The following UPRT variants were observed in gnomAD, a reference collection of about 807,000 sequenced individuals.
UPRT encodes the protein RP11-311P8.3.
UPRT carries 5 observed loss-of-function variants against 22.6 expected under a neutral mutation model. The observed-to-expected ratio is 0.22, with a 90% CI of 0.12 to 0.47. The LOEUF (loss-of-function observed/expected upper bound fraction) is 0.47. Ranked by LOEUF, UPRT falls within the 20% of genes least tolerant of loss-of-function variation. The pLI is 0.99. For missense variants in UPRT, 181 were observed against 239.9 expected, an observed-to-expected ratio of 0.75 and a Z score of 1.62; for synonymous variants, 77 against 87.7, an observed-to-expected ratio of 0.88 and a Z score of 0.68.
intron 4 of UPRT, among the ~76,000 whole-genome samples, chrX:75,198,760 A>G (rs1485278103): frequency 9.0e-6 from 1 of 111,464 alleles, no homozygotes; most frequent in Non-Finnish European, 1.9e-5. Flanking sequence ...TATATCACTG[A>G]AAGAGGAACT....
intron 4 of UPRT, among the ~76,000 whole-genome samples, chrX:75,217,875 C>T (rs998364163): frequency 2.1e-4 from 23 of 111,937 alleles, no homozygotes; most frequent in Non-Finnish European, 3.4e-4. Flanking sequence ...ACACCTTATA[C>T]AAAAATTAAT....
chrX:75,182,908 G>C (rs1229919530), intron 4 of UPRT, among the ~76,000 whole-genome samples: 1 of 110,700 alleles, frequency 9.0e-6, no homozygotes, highest in East Asian at 2.8e-4. Context: ...GTTTGCTCTT[G>C]TTTATCTAGG....
chrX:75,252,302 C>G (rs745749314), intron 4 of UPRT, among the ~76,000 whole-genome samples: 105 of 111,509 alleles, frequency 9.4e-4, no homozygotes, highest in Non-Finnish European at 4.9e-4. Flanking sequence ...AAAATTTTTG[C>G]AACCTACTCA....
intron 4 of UPRT, among the ~76,000 whole-genome samples, chrX:75,261,603 G>C (rs1569277079): frequency 8.9e-6 from 1 of 111,873 alleles, no homozygotes; most frequent in African/African-American, 3.3e-5. Context: ...ACAAAGAGGA[G>C]CTGGTACCTA....
At chrX:75,218,930 C>G (rs1164069063) in intron 4 of UPRT, among the ~76,000 whole-genome samples, 1 of 110,321 alleles carries the variant, frequency 9.1e-6, no homozygotes, top group African/African-American at 3.3e-5. Flanking sequence ...GGAGATATAC[C>G]TAATGCTAAA....
At chrX:75,274,029 T>G (rs1054124802), upstream of UPRT, 5 of 386,570 alleles carry the variant, frequency 1.3e-5, no homozygotes, top group South Asian at 8.3e-5. Context: ...TGGCGGGGAG[T>G]GCAGCCAATA....
chrX:75,173,093 T>C (rs1457251464), intron 4 of UPRT, among the ~76,000 whole-genome samples: 3 of 111,559 alleles, frequency 2.7e-5, no homozygotes, highest in African/African-American at 9.8e-5. Flanking sequence ...AGGTTTTCCA[T>C]GTCCTTATCA....
At chrX:75,272,290 ATATATATGTGTATATATATGTG>A (rs2082610816), upstream of UPRT, among the ~76,000 whole-genome samples, 1 of 17,965 alleles carries the variant, frequency 5.6e-5, no homozygotes, top group Non-Finnish European at 1.4e-3. Flanking sequence ...ATATATACAC[ATATATATGTGTATATATATGTG>A]TATATATACA....
At chrX:75,277,482 T>C (rs886875842) in intron 1 of UPRT, among the ~76,000 whole-genome samples, 1 of 110,611 alleles carries the variant, frequency 9.0e-6, no homozygotes, top group African/African-American at 3.3e-5. Context: ...ATGTTTAGCA[T>C]CTCTGTGCTT....
intron 4 of UPRT, among the ~76,000 whole-genome samples, chrX:75,196,742 G>A (rs773366942): frequency 2.7e-4 from 30 of 111,306 alleles, no homozygotes; most frequent in Non-Finnish European, 4.7e-4. Context: ...AGCCACTCGG[G>A]AGGCTGAGGC....
intron 4 of UPRT, among the ~76,000 whole-genome samples, chrX:75,204,921 G>A (rs1453810619): frequency 9.0e-6 from 1 of 110,842 alleles, no homozygotes; most frequent in African/African-American, 3.3e-5. Flanking sequence ...GTATCCCACG[G>A]ACAAAGAGGA....
At position 75,303,898 on chromosome X, in the gene UPRT, C is replaced by T. The variant is rs2082753208; in HGVS notation, c.*387C>T. 7.8e-6 allele frequency: 1 copy of T among 127,911 alleles called. No homozygotes were observed. The highest frequency in any genetic ancestry group is 3.2e-5 in the African/African-American group (1 of 31,050). The allele number at this position is 127,911 out of a possible 1,213,427, so 10.5% of individuals were successfully genotyped here. ...CATTTTGTTTAGTTTGGTTTTAGCT[C>T]TACTAAGGTTTCACATATGTGGCTA... On this transcript the variant is annotated 3_prime_UTR_variant, in exon 7 of 7. Transcript: ENST00000373383.
intron 4 of UPRT, among the ~76,000 whole-genome samples, chrX:75,239,990 T>C (rs2082483258): frequency 9.0e-6 from 1 of 111,089 alleles, no homozygotes; most frequent in Non-Finnish European, 1.9e-5. Flanking sequence ...GACAACATTA[T>C]ATTAAATGGG....
At chrX:75,266,991 G>A (rs111310134) in intron 4 of UPRT, among the ~76,000 whole-genome samples, 6 of 111,387 alleles carry the variant, frequency 5.4e-5, no homozygotes, top group Admixed American at 1.9e-4. Flanking sequence ...CTGTTGGTGG[G>A]ACTGTAAACT....
intron 4 of UPRT, among the ~76,000 whole-genome samples, chrX:75,257,592 A>T (rs1028901716): frequency 9.0e-6 from 1 of 111,716 alleles, no homozygotes; most frequent in Non-Finnish European, 1.9e-5. Context: ...ACTGTTGATG[A>T]TATGATTGTT....
intron 4 of UPRT, among the ~76,000 whole-genome samples, chrX:75,239,600 T>C (rs1201842659): frequency 9.0e-6 from 1 of 111,127 alleles, no homozygotes; most frequent in African/African-American, 3.3e-5. Context: ...AATCATTTTA[T>C]GAAGCCATGA....
Position 75,303,591 on chromosome X carries a change from G to T in UPRT, c.*80G>T. On this transcript the variant is annotated 3_prime_UTR_variant, in exon 7 of 7. Coordinates refer to ENST00000373383, the MANE Select transcript of UPRT (RefSeq NM_145052.4). The stretch of plus-strand genomic sequence containing the variant: ...CTATTTGTTTTACTGATTCACTTGA[G>T]GGTGGCAGAGAAAAATGTGTTAAAA... 1 of 821,894 alleles carries T rather than the reference G, an allele frequency of 1.2e-6. No individual in the cohort carries two copies. Among genetic ancestry groups the T allele is most frequent in the East Asian group, 3.5e-5 (1 of 28,467 alleles). 67.7% of individuals were successfully genotyped at this position (821,894 alleles called of 1,213,427 possible). A position where few individuals can be genotyped will look rare whatever the true frequency, so the allele number is the denominator to read the frequency against.
chrX:75,251,686 T>G (rs1422099934), intron 4 of UPRT, among the ~76,000 whole-genome samples: 1 of 111,858 alleles, frequency 8.9e-6, no homozygotes, highest in East Asian at 2.8e-4. Flanking sequence ...TACCAATGAC[T>G]TTCTTCACAG....
chrX:75,244,541 T>A (rs757203540), intron 4 of UPRT, among the ~76,000 whole-genome samples: 3 of 111,660 alleles, frequency 2.7e-5, no homozygotes, highest in Non-Finnish European at 5.7e-5. Flanking sequence ...CAAAATAGCA[T>A]GATACTGATA....
Sources: gnomAD v4.1 joint callset for allele counts (sites outside exome capture counted in the v4.1 genomes callset) on GRCh38, gnomAD v4.1.1 for gene constraint, MANE v1.5 for transcripts, NCBI Gene and HGNC (gene_info 2026-07-23, HGNC 2026-07-21) for gene names.